EPHA3: variants seen among roughly 807,000 people sequenced by gnomAD.
EPHA3 encodes EPH receptor A3.
EPHA3 carries 42 observed loss-of-function variants against 107.1 expected under a neutral mutation model. The observed-to-expected ratio is 0.39, with a 90% CI of 0.31 to 0.51. The LOEUF (loss-of-function observed/expected upper bound fraction) is 0.51, where lower values mean the gene tolerates loss of function less well. Ranked by LOEUF, EPHA3 falls within the 20% of genes least tolerant of loss-of-function variation. The pLI, the probability that EPHA3 is intolerant of heterozygous loss-of-function variation, is 0.78. For synonymous variants in EPHA3, 461 were observed against 424.8 expected, an observed-to-expected ratio of 1.09 and a Z score of -1.05; for missense variants, 1,183 against 1,211.2, an observed-to-expected ratio of 0.98 and a Z score of 0.35.
At chr3:89,292,194 C>T (rs530700454) in intron 3 of EPHA3, among the ~76,000 whole-genome samples, 2 of 152,114 alleles carry the variant, frequency 1.3e-5, no homozygotes, top group Non-Finnish European at 1.5e-5. Context: ...ATGGGTTCTG[C>T]ATCCACAGAT....
chr3:89,268,252 C>T lies in EPHA3; in HGVS notation c.814+57732C>T, dbSNP rs565261658. On this transcript the variant is annotated intron_variant, in intron 3 of 16. Coordinates refer to ENST00000336596, the MANE Select transcript of EPHA3 (RefSeq NM_005233.6). ...TGAGAGGGATTAAAATTCACAAATTCTGACACTTAGTCTACTAAACCACAT... is the reference window on the plus strand; with the variant it reads ...TGAGAGGGATTAAAATTCACAAATTTTGACACTTAGTCTACTAAACCACAT... 2.7e-4 allele frequency among the ~76,000 whole-genome samples: 41 copies of T among 152,202 alleles called. 1 individual carries two copies. Among genetic ancestry groups the T allele is most frequent in the African/African-American group, 7.9e-4 (33 of 41,564 alleles).
intron 3 of EPHA3, among the ~76,000 whole-genome samples, chr3:89,290,015 T>C (rs1706175282): frequency 6.6e-6 from 1 of 152,234 alleles, no homozygotes; most frequent in South Asian, 2.1e-4. Flanking sequence ...CAGTTTAGGA[T>C]TTATCCTCTG....
At chr3:89,437,336 A>G (rs1009733447) in intron 13 of EPHA3, among the ~76,000 whole-genome samples, 1 of 152,128 alleles carries the variant, frequency 6.6e-6, no homozygotes, top group Admixed American at 6.6e-5. Flanking sequence ...TTTGCAAATC[A>G]TCTTGAAAGT....
chr3:89,277,563 T>G (rs180962840), intron 3 of EPHA3, among the ~76,000 whole-genome samples: 1 of 152,280 alleles, frequency 6.6e-6, no homozygotes, highest in East Asian at 1.9e-4. Flanking sequence ...TAAAGTGTTT[T>G]TATTTATGCA....
At chr3:89,451,729 G>C (rs1351546840) in intron 15 of EPHA3, among the ~76,000 whole-genome samples, 1 of 152,002 alleles carries the variant, frequency 6.6e-6, no homozygotes, top group Admixed American at 6.6e-5. Flanking sequence ...TCTCAATATC[G>C]CTTCTCAACT....
chr3:89,477,369 C>A (rs1407922165), intron 16 of EPHA3, among the ~76,000 whole-genome samples: 1 of 152,084 alleles, frequency 6.6e-6, no homozygotes, highest in Non-Finnish European at 1.5e-5. Context: ...AGGGAGGGAA[C>A]CTGAAGGTCA....
At chr3:89,439,681 A>G (rs1437751301) in intron 13 of EPHA3, among the ~76,000 whole-genome samples, 2 of 151,868 alleles carry the variant, frequency 1.3e-5, no homozygotes, top group East Asian at 3.9e-4. Flanking sequence ...TTTGACATTT[A>G]AAACCTCATT....
At chr3:89,161,963 G>A (rs904917946) in intron 2 of EPHA3, among the ~76,000 whole-genome samples, 7 of 151,214 alleles carry the variant, frequency 4.6e-5, no homozygotes, top group African/African-American at 1.7e-4. Context: ...GGTGATGGGA[G>A]TGAGACTCTG....
intron 6 of EPHA3, among the ~76,000 whole-genome samples, chr3:89,396,355 T>A (rs1355220763): frequency 6.6e-6 from 1 of 152,188 alleles, no homozygotes; most frequent in Non-Finnish European, 1.5e-5. Context: ...ATGCATTTCA[T>A]TCAATACAAA....
chr3:89,195,157 T>A (rs1271560521), intron 2 of EPHA3, among the ~76,000 whole-genome samples: 3 of 152,116 alleles, frequency 2.0e-5, no homozygotes, highest in African/African-American at 7.2e-5. Flanking sequence ...TTGAAAACAT[T>A]CTTTTTCTGT....
chr3:89,127,979 C>T (rs1355643299), intron 2 of EPHA3, among the ~76,000 whole-genome samples: 1 of 151,880 alleles, frequency 6.6e-6, no homozygotes, highest in Non-Finnish European at 1.5e-5. Context: ...TTACATTTCT[C>T]AAACTCTTTT....
intron 13 of EPHA3, among the ~76,000 whole-genome samples, chr3:89,442,729 C>CA (rs1709809278): frequency 6.6e-6 from 1 of 152,112 alleles, no homozygotes; most frequent in East Asian, 1.9e-4. Flanking sequence ...TATTGGACTG[C>CA]AAGATGCATG....
chr3:89,437,322 A>G (rs1338033512), intron 13 of EPHA3, among the ~76,000 whole-genome samples: 1 of 152,136 alleles, frequency 6.6e-6, no homozygotes, highest in Non-Finnish European at 1.5e-5. Context: ...GCTGCATACC[A>G]AAGTTTGCAA....
At chr3:89,127,663 C>A (rs1704121711) in intron 2 of EPHA3, among the ~76,000 whole-genome samples, 1 of 151,914 alleles carries the variant, frequency 6.6e-6, no homozygotes, top group Non-Finnish European at 1.5e-5. Flanking sequence ...GCCTTAAAAT[C>A]AACCTCAGTA....
intron 5 of EPHA3, among the ~76,000 whole-genome samples, chr3:89,342,711 AAC>A (rs1259466287): frequency 6.6e-6 from 1 of 152,170 alleles, no homozygotes; most frequent in African/African-American, 2.4e-5. Flanking sequence ...ATGAGTAATA[AAC>A]AGTTTTCTTT....
At chr3:89,326,817 T>G (rs1169459093) in intron 3 of EPHA3, among the ~76,000 whole-genome samples, 3 of 152,150 alleles carry the variant, frequency 2.0e-5, no homozygotes, top group Non-Finnish European at 2.9e-5. Flanking sequence ...TAAATATCTT[T>G]ACAAATTTGT....
At chr3:89,167,680 G>A (rs141777244) in intron 2 of EPHA3, among the ~76,000 whole-genome samples, 76 of 152,146 alleles carry the variant, frequency 5.0e-4, no homozygotes, top group Middle Eastern at 3.4e-3. Context: ...AATTTCAAGG[G>A]TTCCTTCCTT....
chr3:89,427,355 A>G (rs1709478491), intron 11 of EPHA3, among the ~76,000 whole-genome samples: 1 of 151,934 alleles, frequency 6.6e-6, no homozygotes, highest in Admixed American at 6.6e-5. Flanking sequence ...TACACATGAA[A>G]GGAAAAAATC....
At chr3:89,396,020 C>CTG in intron 6 of EPHA3, 59 bp downstream of exon 6, 1 of 1,591,314 alleles carries the variant, frequency 6.3e-7, no homozygotes, top group Non-Finnish European at 8.6e-7. Context: ...TCCTCATGAG[C>CTG]TGTGCTCTTG....
Sources: gnomAD v4.1 joint callset for allele counts (sites outside exome capture counted in the v4.1 genomes callset) on GRCh38, gnomAD v4.1.1 for gene constraint, MANE v1.5 for transcripts, NCBI Gene and HGNC (gene_info 2026-07-23, HGNC 2026-07-21) for gene names.